The following ARID3A variants were observed in gnomAD, a reference collection of about 807,000 sequenced individuals.
The protein encoded by ARID3A is AT-rich interaction domain 3A, also known as AT-rich interactive domain-containing protein 3A.
ARID3A carries 11 observed loss-of-function variants against 52.7 expected under a neutral mutation model. The observed-to-expected ratio is 0.21, with a 90% CI of 0.13 to 0.35. ARID3A has a LOEUF of 0.35. ARID3A is among the 10% of genes least tolerant of loss of function. ARID3A has a pLI of 1.00. For synonymous variants in ARID3A, 404 were observed against 359.4 expected (o/e 1.12, Z -1.40); for missense variants, 721 against 838.5 (o/e 0.86, Z 1.73).
In ARID3A at chr19:929,694, C is replaced by G; in HGVS notation, c.166C>G (p.Arg56Gly). 3 of 1,563,428 alleles carry G rather than the reference C, an allele frequency of 1.9e-6. No individual in the cohort carries two copies. The highest frequency in any genetic ancestry group is 2.6e-6 in the Non-Finnish European group (3 of 1,162,968). Residue 56 changes from arginine (R) to glycine (G), a missense_variant, in exon 2 of 9, where the codon CGG becomes GGG. Transcript: ENST00000263620. This position sits in a 1 kb window ranked among gnomAD's most constrained non-coding sequence, Gnocchi z 6.2. ...DREPESARMQRAQMAALAAMR... is the reference protein window; with the variant it reads ...DREPESARMQGAQMAALAAMR... The stretch of plus-strand genomic sequence containing the variant: ...AGAGCCCGAGAGTGCCCGGATGCAG[C>G]GGGCTCAGATGGCCGCACTGGCAGC...
chr19:958,406 C>G (rs1317469470), intron 3 of ARID3A, among the ~76,000 whole-genome samples: 1 of 118,510 alleles, frequency 8.4e-6, no homozygotes, highest in East Asian at 2.6e-4. Flanking sequence ...CCAGCCTGGG[C>G]GACAGAGCGA....
chr19:949,774 C>G lies in ARID3A; in HGVS notation c.694-10318C>G, dbSNP rs144998307. ...TCACGCAATCTCTGCCTCTCAGGTT[C>G]AAGTGATTCTCCCACCTCAGCCTCC... On this transcript the variant is annotated intron_variant, in intron 3 of 8. Transcript: ENST00000263620. 3.1e-4 allele frequency among the ~76,000 whole-genome samples: 47 copies of G among 149,356 alleles called. 2 individuals carry two copies. Among genetic ancestry groups the G allele is most frequent in the African/African-American group, 1.1e-3 (45 of 40,450 alleles).
chr19:936,641 G>C (rs1185013900), intron 3 of ARID3A, among the ~76,000 whole-genome samples: 1 of 152,082 alleles, frequency 6.6e-6, no homozygotes, highest in Non-Finnish European at 1.5e-5. Context: ...AGGAGATCGA[G>C]ACCATCCTGG....
chr19:967,470 G>T, intron 7 of ARID3A, among the ~76,000 whole-genome samples: 1 of 152,064 alleles, frequency 6.6e-6, no homozygotes, highest in African/African-American at 2.4e-5. Context: ...GAGATGGGAG[G>T]ATCACTTGAG....
At position 973,104 on chromosome 19, in the gene ARID3A, A is replaced by AT. The variant is rs56404084; in HGVS notation, c.*1060dup. 4.0e-3 allele frequency: 216 copies of AT among 53,674 alleles called. 34 individuals are homozygous for AT. The highest frequency in any genetic ancestry group is 0.023 in the Middle Eastern group (1 of 44). The allele number at this position is 53,674 out of a possible 1,614,324, so 3.3% of individuals were successfully genotyped here. A position where few individuals can be genotyped will look rare whatever the true frequency, so the allele number is the denominator to read the frequency against. ...GGGCTCTCGAGTCAGGGGCCTGGAA[A>AT]TTTTTTTTTTTTTTTTTTTTTGAGA... On this transcript the variant is annotated 3_prime_UTR_variant, in exon 9 of 9. Coordinates refer to ENST00000263620, the MANE Select transcript of ARID3A (RefSeq NM_005224.3).
chr19:950,505 G>A (rs1484889689), intron 3 of ARID3A, among the ~76,000 whole-genome samples: 1 of 148,946 alleles, frequency 6.7e-6, no homozygotes, highest in African/African-American at 2.6e-5. Context: ...CTCAGGGAAA[G>A]AGGGGTTCAG....
intron 8 of ARID3A, among the ~76,000 whole-genome samples, chr19:970,562 C>CTGG (rs1244660502): frequency 3.0e-5 from 4 of 131,482 alleles, no homozygotes; most frequent in African/African-American, 1.2e-4. Context: ...GGCTGGAGTG[C>CTGG]AATGGCATGA....
chr19:951,093 A>T (rs2145416168), intron 3 of ARID3A, among the ~76,000 whole-genome samples: 1 of 151,796 alleles, frequency 6.6e-6, no homozygotes, highest in East Asian at 2.0e-4. Flanking sequence ...AAGTGCTGGG[A>T]TTACAGGCGT....
chr19:934,333 G>C (rs1177880795), intron 3 of ARID3A, among the ~76,000 whole-genome samples: 1 of 152,144 alleles, frequency 6.6e-6, no homozygotes. Flanking sequence ...GGGAGTTTTG[G>C]GGTGACTGGC....
At chr19:970,296 G>A (rs1314294975) in intron 8 of ARID3A, among the ~76,000 whole-genome samples, 1 of 151,680 alleles carries the variant, frequency 6.6e-6, no homozygotes, top group Non-Finnish European at 1.5e-5. Flanking sequence ...CTGTGCAATG[G>A]AGCAAGACTT....
chr19:930,979 G>C (rs747187017), intron 2 of ARID3A, among the ~76,000 whole-genome samples: 1 of 152,058 alleles, frequency 6.6e-6, no homozygotes, highest in South Asian at 2.1e-4. Flanking sequence ...CCAGGAACCC[G>C]CATCTTCCTG....
Position 971,916 on chromosome 19 carries a change from T to G in ARID3A, c.1633T>G (p.Ser545Ala), listed in dbSNP as rs2038282435. Residue 545 changes from serine (S) to alanine (A), a missense_variant, in exon 9 of 9, where the codon TCT becomes GCT. Transcript: ENST00000263620. ...TCAGCCGCCGGCCCCCACGCCAACC[T>G]CTGCTCCCAACAAAGGAGGCGGCGG... is the stretch of plus-strand genomic sequence containing the variant. ...FAQPPAPTPT[S>A]APNKGGGGGG... 1 of 1,603,728 alleles carries G rather than the reference T, an allele frequency of 6.2e-7. No individual in the cohort carries two copies. The highest frequency in any genetic ancestry group is 1.4e-5 in the African/African-American group (1 of 73,668).
chr19:928,502 G>A (rs2037247678), intron 1 of ARID3A: 1 of 152,086 alleles, frequency 6.6e-6, no homozygotes, highest in African/African-American at 2.4e-5. Context: ...CAGAGATTGT[G>A]GGGTCTGCGT....
At position 950,254 on chromosome 19, in the gene ARID3A, G is replaced by A. The variant is rs1475913286; in HGVS notation, c.694-9838G>A. Among the ~76,000 whole-genome samples the A allele has an allele frequency of 1.3e-4, 3 of 22,910 alleles. 1 individual carries two copies. Among genetic ancestry groups the A allele is most frequent in the Admixed American group, 6.6e-4 (2 of 3,048 alleles). 15.0% of individuals were successfully genotyped at this position (22,910 alleles called of 152,430 possible). A position where few individuals can be genotyped will look rare whatever the true frequency, so the allele number is the denominator to read the frequency against. ...CCAGAGGGAACGGATGGATGAGGCC[G>A]TCCCCAGAGGGAACGGATGGATGAG... On this transcript the variant is annotated intron_variant, in intron 3 of 8. Coordinates refer to ENST00000263620, the MANE Select transcript of ARID3A (RefSeq NM_005224.3).
rs538069613 is a variant in ARID3A, at chr19:959,409, G to A, written c.694-683G>A. On this transcript the variant is annotated intron_variant, in intron 3 of 8. Coordinates refer to ENST00000263620, the MANE Select transcript of ARID3A (RefSeq NM_005224.3). The surrounding 1 kb of genome is among the most constrained non-coding windows in gnomAD (Gnocchi z 5.0). Reference sequence around the variant, plus strand: ...CCACCTCAGCCTCCCGAGTAGCCGGGACTGTAGGCATGAGCCACCCCACCT... The same window carrying A: ...CCACCTCAGCCTCCCGAGTAGCCGGAACTGTAGGCATGAGCCACCCCACCT... Among the ~76,000 whole-genome samples, 1 of 152,142 alleles carries A rather than the reference G, an allele frequency of 6.6e-6. No homozygotes were observed. The highest frequency in any genetic ancestry group is 1.5e-5 in the Non-Finnish European group (1 of 68,028).
At chr19:953,820 TC>T (rs2037856644) in intron 3 of ARID3A, among the ~76,000 whole-genome samples, 1 of 152,126 alleles carries the variant, frequency 6.6e-6, no homozygotes, top group African/African-American at 2.4e-5. Context: ...CTGCCTGTAA[TC>T]CCAGCGCTGT....
At chr19:934,370 G>A (rs11673215) in intron 3 of ARID3A, among the ~76,000 whole-genome samples, 1 of 152,198 alleles carries the variant, frequency 6.6e-6, no homozygotes, top group Non-Finnish European at 1.5e-5. Context: ...TGAGGGGCCA[G>A]GCGCCCTGAC....
At chr19:926,081 C>A (rs868725414) in intron 1 of ARID3A, 22 bp downstream of exon 1, 1 of 148,798 alleles carries the variant, frequency 6.7e-6, no homozygotes, top group African/African-American at 2.4e-5. Context: ...CGCGGCACAG[C>A]CCCGTGGGTC....
intron 3 of ARID3A, among the ~76,000 whole-genome samples, chr19:950,647 G>C (rs1020022387): frequency 1.3e-5 from 2 of 152,174 alleles, no homozygotes. Flanking sequence ...GCAGGGGAGA[G>C]ACCTGGTTTG....
Sources: allele counts gnomAD v4.1 joint callset (sites outside exome capture counted in the v4.1 genomes callset), GRCh38; gene constraint gnomAD v4.1.1; non-coding constraint Gnocchi (gnomAD v3.1); transcripts MANE v1.5; gene names NCBI Gene and HGNC (gene_info 2026-07-23, HGNC 2026-07-21).